The following AOPEP variants were observed in gnomAD, a reference collection of about 807,000 sequenced individuals.
AOPEP encodes aminopeptidase O (putative).
A neutral mutation model predicts 98.1 loss-of-function variants in AOPEP; 77 were observed. The observed-to-expected ratio is 0.78, with a 90% CI of 0.65 to 0.95. AOPEP has a LOEUF of 0.95. Among genes scored for constraint, AOPEP ranks in the 40% least tolerant of loss-of-function variants. AOPEP has a pLI of 0.00. For synonymous variants in AOPEP, 346 were observed against 365.3 expected, an observed-to-expected ratio of 0.95 and a Z score of 0.60; for missense variants, 1,024 against 1,024.7, an observed-to-expected ratio of 1.00 and a Z score of 0.01.
chr9:95,121,863 T>TC, the AOPEP span, among the ~76,000 whole-genome samples: 1,577 of 151,722 alleles, frequency 0.01, 29 homozygotes, highest in African/African-American at 0.037. Flanking sequence ...AATTCATTTT[T>TC]TTTTTTTTTT....
chr9:94,863,772 A>G (rs1351807309), intron 5 of AOPEP, among the ~76,000 whole-genome samples: 1 of 152,198 alleles, frequency 6.6e-6, no homozygotes, highest in Non-Finnish European at 1.5e-5. Context: ...GCTTTTGGAA[A>G]TGCAGCAAGT....
intron 5 of AOPEP, among the ~76,000 whole-genome samples, chr9:94,856,998 C>T (rs752778088): frequency 5.3e-5 from 8 of 152,192 alleles, no homozygotes; most frequent in Non-Finnish European, 7.3e-5. Flanking sequence ...CTCAGTTTTT[C>T]GTCTATAAAA....
intron 5 of AOPEP, among the ~76,000 whole-genome samples, chr9:94,850,315 A>G (rs545026585): frequency 9.2e-5 from 14 of 152,340 alleles, no homozygotes; most frequent in Middle Eastern, 3.4e-3. Flanking sequence ...TGAGTGTGGC[A>G]CTGGCTCAGT....
downstream of AOPEP, among the ~76,000 whole-genome samples, chr9:95,090,837 G>A (rs1564628707): frequency 6.6e-6 from 1 of 152,208 alleles, no homozygotes; most frequent in East Asian, 1.9e-4. Context: ...GGATTTTAAA[G>A]CATTTATGTT....
At chr9:94,839,548 T>G (rs1444042251) in intron 5 of AOPEP, among the ~76,000 whole-genome samples, 1 of 152,160 alleles carries the variant, frequency 6.6e-6, no homozygotes, top group Non-Finnish European at 1.5e-5. Flanking sequence ...TTTTGTATTT[T>G]AGTTTCATTT....
chr9:94,822,007 A>ACG (rs1447981725), intron 5 of AOPEP, among the ~76,000 whole-genome samples: 7 of 146,796 alleles, frequency 4.8e-5, no homozygotes, highest in African/African-American at 1.5e-4. Context: ...ACACACACAC[A>ACG]CACACGCAGG....
At chr9:94,826,038 G>A (rs1854453222) in intron 5 of AOPEP, among the ~76,000 whole-genome samples, 1 of 152,016 alleles carries the variant, frequency 6.6e-6, no homozygotes, top group South Asian at 2.1e-4. Context: ...TGTGGACAAA[G>A]TTATTAGATT....
intron 7 of AOPEP, among the ~76,000 whole-genome samples, chr9:94,936,785 C>A (rs776087406): frequency 6.6e-6 from 1 of 152,218 alleles, no homozygotes; most frequent in Non-Finnish European, 1.5e-5. Context: ...GACCAACCAA[C>A]TATAAATTGG....
intron 1 of AOPEP, among the ~76,000 whole-genome samples, chr9:94,741,400 G>A (rs775717941): frequency 3.3e-5 from 5 of 151,944 alleles, no homozygotes; most frequent in Non-Finnish European, 5.9e-5. Context: ...AGCCCCCCGA[G>A]TAGCTGGGAC....
At chr9:95,050,826 A>G (rs80079643) in intron 13 of AOPEP, among the ~76,000 whole-genome samples, 9 of 152,260 alleles carry the variant, frequency 5.9e-5, no homozygotes, top group African/African-American at 1.9e-4. Context: ...CTGTGTGTCT[A>G]TGCACAAGAA....
In AOPEP at chr9:94,955,200, A is replaced by G. The variant is rs2058370275; in HGVS notation, c.1685A>G (p.His562Arg). ...AGACCCAGTAAAGACAAAACTGGCCACACAAGTGACTCGGGAGCATCTGTT... is the reference window on the plus strand; with the variant it reads ...AGACCCAGTAAAGACAAAACTGGCCGCACAAGTGACTCGGGAGCATCTGTT... ...VLRPSKDKTG[H>R]TSDSGASVIK... The change falls in exon 8 of 17, where the codon CAC (histidine) becomes CGC (arginine). Residue 562 changes from histidine (H) to arginine (R), a missense_variant. Physicochemically the swap from His to Arg is conservative, Grantham distance 29. This residue lies in a region of AOPEP where 566 missense variants were observed against 551.7 expected (regional missense o/e 1.03). Transcript: ENST00000375315. 6.2e-7 allele frequency: 1 copy of G among 1,612,966 alleles called. No homozygotes were observed. The highest frequency in any genetic ancestry group is 1.1e-5 in the South Asian group (1 of 90,722).
chr9:94,795,207 G>A (rs898986713), intron 4 of AOPEP, among the ~76,000 whole-genome samples: 5 of 152,226 alleles, frequency 3.3e-5, no homozygotes, highest in African/African-American at 1.2e-4. Context: ...CCAGAGAGAG[G>A]TGAGTCAGAA....
the AOPEP span, chr9:95,110,377 T>A: frequency 2.0e-6 from 2 of 1,023,264 alleles, no homozygotes; most frequent in Non-Finnish European, 2.3e-6. Context: ...AAAAACCATA[T>A]GTGCCCCGTA....
At chr9:94,940,505 G>A (rs1043929202) in intron 7 of AOPEP, among the ~76,000 whole-genome samples, 1 of 152,056 alleles carries the variant, frequency 6.6e-6, no homozygotes, top group Non-Finnish European at 1.5e-5. Context: ...AGAAGGCTGA[G>A]GCACGAGAAT....
chr9:95,123,803 T>C, the AOPEP span: 1 of 693,488 alleles, frequency 1.4e-6, no homozygotes, highest in East Asian at 2.8e-5. Context: ...CCACAAGGAC[T>C]GAACACCCCT....
intron 5 of AOPEP, among the ~76,000 whole-genome samples, chr9:94,822,129 G>A (rs1853368718): frequency 6.6e-6 from 1 of 152,202 alleles, no homozygotes; most frequent in Non-Finnish European, 1.5e-5. Context: ...CAGACAAAGA[G>A]AACCATCATA....
intron 13 of AOPEP, among the ~76,000 whole-genome samples, chr9:95,039,929 A>G (rs371172852): frequency 6.6e-6 from 1 of 152,222 alleles, no homozygotes; most frequent in South Asian, 2.1e-4. Context: ...TGCATGATTG[A>G]TGTGTTTCCT....
At chr9:95,000,185 T>G (rs942528718) in intron 11 of AOPEP, among the ~76,000 whole-genome samples, 15 of 151,824 alleles carry the variant, frequency 9.9e-5, no homozygotes, top group Admixed American at 8.5e-4. Context: ...AATGGGCAAA[T>G]AAAAATAATA....
chr9:94,735,928 C>T (rs556085823), intron 1 of AOPEP, among the ~76,000 whole-genome samples: 17 of 152,198 alleles, frequency 1.1e-4, no homozygotes, highest in Admixed American at 4.6e-4. Flanking sequence ...TGTGGCCCTT[C>T]GTATCTTCCT....
Sources: allele counts gnomAD v4.1 joint callset (sites outside exome capture counted in the v4.1 genomes callset), GRCh38; gene constraint gnomAD v4.1.1; regional missense constraint gnomAD v4.1.1; transcripts MANE v1.5; gene names NCBI Gene and HGNC (gene_info 2026-07-23, HGNC 2026-07-21).